Variants in GPATCH2 observed in about 807,000 individuals in gnomAD.
The protein encoded by GPATCH2 is G-patch domain containing 2, also known as G patch domain-containing protein 2.
Under a neutral mutation model 58.0 loss-of-function variants are expected in GPATCH2, and 51 were observed. That is an observed-to-expected ratio of 0.88 (90% CI 0.70 to 1.11). The LOEUF is 1.11. GPATCH2 is among the 50% of genes most tolerant of loss of function. GPATCH2 has a pLI of 0.00. For synonymous variants in GPATCH2, 222 were observed against 218.5 expected, an observed-to-expected ratio of 1.02 and a Z score of -0.14; for missense variants, 625 against 652.2, an observed-to-expected ratio of 0.96 and a Z score of 0.45.
intron 5 of GPATCH2, among the ~76,000 whole-genome samples, chr1:217,604,722 C>T (rs956539955): frequency 6.6e-6 from 1 of 152,112 alleles, no homozygotes; most frequent in African/African-American, 2.4e-5. Flanking sequence ...TGTAAATTAA[C>T]TGCATTTTAA....
At chr1:217,539,508 A>G (rs1253652789) in intron 5 of GPATCH2, among the ~76,000 whole-genome samples, 7 of 152,212 alleles carry the variant, frequency 4.6e-5, no homozygotes, top group Non-Finnish European at 1.0e-4. Flanking sequence ...CCCACGCTCA[A>G]TAAATAAATT....
chr1:217,601,174 C>A (rs1668091459), intron 5 of GPATCH2, among the ~76,000 whole-genome samples: 1 of 152,002 alleles, frequency 6.6e-6, no homozygotes, highest in South Asian at 2.1e-4. Flanking sequence ...GAAGTTCTTA[C>A]ATATTAAATT....
At chr1:217,567,898 C>T (rs1169175411) in intron 5 of GPATCH2, among the ~76,000 whole-genome samples, 1 of 152,152 alleles carries the variant, frequency 6.6e-6, no homozygotes, top group East Asian at 1.9e-4. Context: ...GGGCGGATCA[C>T]AAGGTCAGGA....
rs573042498 is a variant in GPATCH2 at position 217,455,888 on chromosome 1, C to T, written c.1278-6551G>A. On this transcript the variant is annotated intron_variant, in intron 8 of 9. Coordinates refer to ENST00000366935, the MANE Select transcript of GPATCH2 (RefSeq NM_018040.5). ...GAAGACAGACAAAAGAGCAGAAGCA[C>T]AGCAGAATGGTGTGGCAGAGAGAAG... 1.0e-3 allele frequency among the ~76,000 whole-genome samples: 159 copies of T among 152,152 alleles called. 1 individual carries two copies. Among genetic ancestry groups the T allele is most frequent in the Non-Finnish European group, 2.0e-3 (135 of 68,010 alleles).
In GPATCH2 at chr1:217,562,016, C is replaced by T. The variant is rs370427098; in HGVS notation, c.1099-47127G>A. ...ATGCCAAGTTCTGAACATACCTGAG[C>T]ATACAACTTTTCTCCTTTCTACCAC... On this transcript the variant is annotated intron_variant, in intron 5 of 9. Transcript: ENST00000366935. Among the ~76,000 whole-genome samples the T allele has an allele frequency of 5.5e-4, 83 of 152,252 alleles. No individual in the cohort carries two copies. The Middle Eastern group carries it at 0.014, about 25-fold the overall frequency.
intron 8 of GPATCH2, among the ~76,000 whole-genome samples, chr1:217,453,297 G>A (rs1013301926): frequency 1.3e-5 from 2 of 152,136 alleles, no homozygotes; most frequent in Non-Finnish European, 2.9e-5. Flanking sequence ...TTTGTAAGGT[G>A]TATCAGAAAA....
chr1:217,512,128 C>T (rs1002665361), intron 6 of GPATCH2, among the ~76,000 whole-genome samples: 1 of 152,004 alleles, frequency 6.6e-6, no homozygotes, highest in Non-Finnish European at 1.5e-5. Flanking sequence ...TCAAGACTAG[C>T]CTGGGTAACA....
intron 8 of GPATCH2, among the ~76,000 whole-genome samples, chr1:217,482,818 C>A (rs536741956): frequency 1.3e-5 from 2 of 152,162 alleles, no homozygotes; most frequent in African/African-American, 4.8e-5. Flanking sequence ...TTCATACACA[C>A]GTGAAACCAT....
At chr1:217,472,340 T>C (rs1280815553) in intron 8 of GPATCH2, among the ~76,000 whole-genome samples, 3 of 148,448 alleles carry the variant, frequency 2.0e-5, no homozygotes, top group African/African-American at 7.5e-5. Flanking sequence ...CTTGCTCTGT[T>C]GCCCAGGCTG....
chr1:217,626,395 TTTTA>T (rs2102856487), intron 1 of GPATCH2, among the ~76,000 whole-genome samples: 1 of 152,310 alleles, frequency 6.6e-6, no homozygotes, highest in South Asian at 2.1e-4. Context: ...TCATATTAGC[TTTTA>T]TTTAAGATAG....
At chr1:217,447,564 G>A (rs139541347) in intron 9 of GPATCH2, among the ~76,000 whole-genome samples, 1 of 152,000 alleles carries the variant, frequency 6.6e-6, no homozygotes, top group Non-Finnish European at 1.5e-5. Context: ...TAAAGTTTCT[G>A]GTACACAGTA....
At chr1:217,615,032 T>G (rs1274607651) in intron 2 of GPATCH2, among the ~76,000 whole-genome samples, 1 of 152,002 alleles carries the variant, frequency 6.6e-6, no homozygotes, top group African/African-American at 2.4e-5. Context: ...TTAAAAATTC[T>G]CATGTATTTT....
chr1:217,541,184 A>G (rs1412002320), intron 5 of GPATCH2, among the ~76,000 whole-genome samples: 1 of 152,186 alleles, frequency 6.6e-6, no homozygotes, highest in African/African-American at 2.4e-5. Flanking sequence ...AGCTTCTATC[A>G]TCCTAAGTTT....
At chr1:217,568,400 C>T (rs1321693771) in intron 5 of GPATCH2, among the ~76,000 whole-genome samples, 1 of 152,086 alleles carries the variant, frequency 6.6e-6, no homozygotes, top group Non-Finnish European at 1.5e-5. Context: ...AGATAAGAAT[C>T]TCTGCTTTCA....
intron 5 of GPATCH2, among the ~76,000 whole-genome samples, chr1:217,599,464 A>G (rs917517426): frequency 2.6e-5 from 4 of 152,196 alleles, no homozygotes; most frequent in African/African-American, 9.7e-5. Flanking sequence ...ACTTGTCTAG[A>G]TGTGGCAAGA....
At chr1:217,613,324 G>A (rs1668724216) in intron 3 of GPATCH2, among the ~76,000 whole-genome samples, 1 of 151,790 alleles carries the variant, frequency 6.6e-6, no homozygotes, top group Admixed American at 6.6e-5. Context: ...AAGTATAGGA[G>A]GCTACTTTGT....
At chr1:217,447,428 C>T (rs879525599) in intron 9 of GPATCH2, among the ~76,000 whole-genome samples, 1 of 152,166 alleles carries the variant, frequency 6.6e-6, no homozygotes, top group Non-Finnish European at 1.5e-5. Flanking sequence ...TTGAAACCTT[C>T]CCTTGCGTTC....
At chr1:217,474,071 TTAG>T (rs1426787762) in intron 8 of GPATCH2, among the ~76,000 whole-genome samples, 3 of 152,154 alleles carry the variant, frequency 2.0e-5, no homozygotes. Flanking sequence ...CAATACTTTA[TTAG>T]TAGAGAATAT....
intron 8 of GPATCH2, among the ~76,000 whole-genome samples, chr1:217,491,063 T>G (rs1183198410): frequency 6.6e-6 from 1 of 152,204 alleles, no homozygotes; most frequent in East Asian, 1.9e-4. Context: ...TTCTTAAGAA[T>G]AAAATAAATG....
Sources: gnomAD v4.1 joint callset for allele counts (sites outside exome capture counted in the v4.1 genomes callset) on GRCh38, gnomAD v4.1.1 for gene constraint, MANE v1.5 for transcripts, NCBI Gene and HGNC (gene_info 2026-07-23, HGNC 2026-07-21) for gene names.